The following SSBP2 variants were observed in gnomAD, a reference collection of about 807,000 sequenced individuals.
SSBP2 encodes the protein single-stranded DNA-binding protein 2.
A neutral mutation model predicts 61.8 loss-of-function variants in SSBP2; 17 were observed. The ratio of observed to expected loss-of-function variants is 0.28; its 90% CI spans 0.19 to 0.41. The LOEUF (loss-of-function observed/expected upper bound fraction) is 0.41, where lower values mean the gene tolerates loss of function less well. SSBP2 is among the 10% of genes least tolerant of loss of function. The pLI, the probability that SSBP2 is intolerant of heterozygous loss-of-function variation, is 1.00. For missense variants in SSBP2, 310 were observed against 458.7 expected, an observed-to-expected ratio of 0.68 and a Z score of 2.96; for synonymous variants, 139 against 141.3, an observed-to-expected ratio of 0.98 and a Z score of 0.12.
At chr5:81,432,942 C>G (rs1480109203) in intron 15 of SSBP2, among the ~76,000 whole-genome samples, 1 of 138,776 alleles carries the variant, frequency 7.2e-6, no homozygotes, top group Non-Finnish European at 1.5e-5. Flanking sequence ...TGGGGGGGGT[C>G]AGCCCCCCGC....
chr5:81,701,770 G>A (rs993267508), intron 1 of SSBP2, among the ~76,000 whole-genome samples: 1 of 152,118 alleles, frequency 6.6e-6, no homozygotes, highest in Non-Finnish European at 1.5e-5. Flanking sequence ...CTCCTGGACT[G>A]AACATAATTA....
chr5:81,584,138 T>C (rs973073468), intron 4 of SSBP2, among the ~76,000 whole-genome samples: 1 of 152,096 alleles, frequency 6.6e-6, no homozygotes, highest in African/African-American at 2.4e-5. Flanking sequence ...CATTAATAAG[T>C]AGGTAGGTTT....
At position 81,620,465 on chromosome 5, in the gene SSBP2, A is replaced by G. The variant is rs550997709; in HGVS notation, c.198-4908T>C. On this transcript the variant is annotated intron_variant, in intron 3 of 16. Coordinates refer to ENST00000320672, the MANE Select transcript of SSBP2 (RefSeq NM_012446.5). ...CAAGGAAATAAAAGAGGACACAAAC[A>G]AATGGAAGAACATTCCATGCTCATG... 1.9e-3 allele frequency among the ~76,000 whole-genome samples: 282 copies of G among 151,646 alleles called. 1 individual carries two copies. Among genetic ancestry groups the G allele is most frequent in the Middle Eastern group, 6.8e-3 (2 of 294 alleles).
chr5:81,749,684 G>A (rs1757592400), intron 1 of SSBP2, among the ~76,000 whole-genome samples: 1 of 151,776 alleles, frequency 6.6e-6, no homozygotes, highest in South Asian at 2.1e-4. Context: ...AAAGGGGGGG[G>A]TTCTTCCTCA....
chr5:81,460,288 T>C (rs1164756310), intron 10 of SSBP2, among the ~76,000 whole-genome samples: 2 of 152,330 alleles, frequency 1.3e-5, no homozygotes, highest in Admixed American at 1.3e-4. Flanking sequence ...ACTGACTCTC[T>C]TGACCCGGGA....
rs74291664 is a variant in SSBP2 at position 81,479,711 on chromosome 5, C to A, written c.433-5149G>T. ...ACACACTTGTGAGCCAGTGCATTTG[C>A]GCCAGGAATTGTGCTAAGTCCTTAG... On this transcript the variant is annotated intron_variant, in intron 6 of 16. Transcript: ENST00000320672. 6.7e-3 allele frequency among the ~76,000 whole-genome samples: 1,020 copies of A among 152,222 alleles called. 30 individuals are homozygous for A. The highest frequency in any genetic ancestry group is 0.044 in the Admixed American group (671 of 15,292).
At chr5:81,466,450 T>C (rs1764896303) in intron 9 of SSBP2, among the ~76,000 whole-genome samples, 1 of 152,036 alleles carries the variant, frequency 6.6e-6, no homozygotes, top group Non-Finnish European at 1.5e-5. Flanking sequence ...GATTATAGTA[T>C]ACTACCAGAG....
In SSBP2 at chr5:81,729,700, G is replaced by A. The variant is rs1223102595; in HGVS notation, c.62+21281C>T. Among the ~76,000 whole-genome samples the A allele has an allele frequency of 2.0e-5, 3 of 151,772 alleles. No homozygotes were observed. In the East Asian group the frequency reaches 5.8e-4, roughly 29 times the overall value. On this transcript the variant is annotated intron_variant, in intron 1 of 16. Transcript: ENST00000320672. ...ACTTTAAAAGCACTGAGAAATCTAG[G>A]ACAGCATATTTTTGCTTTTTTAACC...
chr5:81,631,944 C>T (rs1747765627), intron 3 of SSBP2, among the ~76,000 whole-genome samples: 1 of 152,088 alleles, frequency 6.6e-6, no homozygotes, highest in Non-Finnish European at 1.5e-5. Flanking sequence ...TTTCCTTTCT[C>T]CTTGCCTCAC....
At chr5:81,640,276 A>G (rs1581230309) in intron 2 of SSBP2, among the ~76,000 whole-genome samples, 1 of 152,002 alleles carries the variant, frequency 6.6e-6, no homozygotes, top group Middle Eastern at 3.2e-3. Flanking sequence ...GGAGGCGGAG[A>G]TTGCAGTGAG....
intron 5 of SSBP2, among the ~76,000 whole-genome samples, chr5:81,494,117 T>C (rs1264065852): frequency 1.3e-5 from 2 of 152,204 alleles, no homozygotes; most frequent in African/African-American, 2.4e-5. Context: ...CGAGTATCAA[T>C]GAAAACCCAG....
intron 1 of SSBP2, among the ~76,000 whole-genome samples, chr5:81,684,888 ATAAGATT>A: frequency 6.6e-6 from 1 of 152,258 alleles, no homozygotes; most frequent in Non-Finnish European, 1.5e-5. Context: ...TGAGAAGGAC[ATAAGATT>A]TGGGAGGGGC....
chr5:81,448,977 G>A, intron 10 of SSBP2, 152 bp from the exon 11 acceptor site: 6 of 614,880 alleles, frequency 9.8e-6, no homozygotes, highest in South Asian at 2.1e-5. Context: ...TTTAAGTACT[G>A]GAAAACTGAA....
intron 5 of SSBP2, among the ~76,000 whole-genome samples, chr5:81,490,804 C>A (rs1368784349): frequency 6.6e-6 from 1 of 152,136 alleles, no homozygotes; most frequent in Non-Finnish European, 1.5e-5. Context: ...TCACTGTGTT[C>A]TTATATGTAA....
chr5:81,447,319 C>T (rs1763467874), intron 11 of SSBP2, among the ~76,000 whole-genome samples: 2 of 152,080 alleles, frequency 1.3e-5, no homozygotes, highest in South Asian at 4.1e-4. Context: ...ATGAAGATAT[C>T]TGCTTATTGA....
chr5:81,602,770 TA>T (rs1211825599), intron 4 of SSBP2, among the ~76,000 whole-genome samples: 1 of 152,188 alleles, frequency 6.6e-6, no homozygotes, highest in Non-Finnish European at 1.5e-5. Flanking sequence ...TTCTGCCTGG[TA>T]ATCTCCTTTG....
rs564060453 is a variant in SSBP2, at chr5:81,458,245, T to C, written c.687+2810A>G. The stretch of plus-strand genomic sequence containing the variant: ...TTGAAAAGATTATTGAGCCAATTAG[T>C]GAAATCTGAATAAAATCTGTAGATT... On this transcript the variant is annotated intron_variant, in intron 10 of 16. Coordinates refer to ENST00000320672, the MANE Select transcript of SSBP2 (RefSeq NM_012446.5). Among the ~76,000 whole-genome samples the C allele has an allele frequency of 2.2e-4, 34 of 152,356 alleles. No individual in the cohort carries two copies. In the South Asian group the frequency reaches 3.5e-3, roughly 16 times the overall value.
At chr5:81,423,722 G>GT (rs898181698) in intron 16 of SSBP2, among the ~76,000 whole-genome samples, 2 of 151,748 alleles carry the variant, frequency 1.3e-5, no homozygotes, top group Non-Finnish European at 2.9e-5. Flanking sequence ...TCTAGCCTGG[G>GT]TGACAGAGCA....
At chr5:81,425,243 A>C (rs1419865943) in intron 16 of SSBP2, among the ~76,000 whole-genome samples, 1 of 152,216 alleles carries the variant, frequency 6.6e-6, no homozygotes, top group Non-Finnish European at 1.5e-5. Flanking sequence ...AGAACACTTT[A>C]ATTCTCACTA....
Sources: allele counts gnomAD v4.1 joint callset (sites outside exome capture counted in the v4.1 genomes callset), GRCh38; gene constraint gnomAD v4.1.1; transcripts MANE v1.5; gene names NCBI Gene and HGNC (gene_info 2026-07-23, HGNC 2026-07-21).